The following KDM5B variants were observed in gnomAD, a reference collection of about 807,000 sequenced individuals.
KDM5B encodes the protein lysine-specific demethylase 5B.
Under a neutral mutation model 193.4 loss-of-function variants are expected in KDM5B, and 144 were observed. That is an observed-to-expected ratio of 0.74 (90% CI 0.65 to 0.86). KDM5B has a LOEUF of 0.86. KDM5B is among the 40% of genes least tolerant of loss of function. The pLI is 0.00. For missense variants in KDM5B, 1,833 were observed against 1,886.9 expected (o/e 0.97, Z 0.53); for synonymous variants, 668 against 682.6 (o/e 0.98, Z 0.33).
At chr1:202,729,295 C>A in intron 26 of KDM5B, 122 bp from the exon 27 acceptor site, 2 of 1,041,704 alleles carry the variant, frequency 1.9e-6, no homozygotes, top group South Asian at 1.4e-5. Context: ...CCACTGGGAC[C>A]TCTGGCACAA....
At chr1:202,742,830 T>C (rs1655402324) in intron 16 of KDM5B, 25 bp from the exon 17 acceptor site, 1 of 1,603,944 alleles carries the variant, frequency 6.2e-7, no homozygotes, top group African/African-American at 1.3e-5. Context: ...AAAAGTCATA[T>C]TTTCTGTAAT....
intron 4 of KDM5B, among the ~76,000 whole-genome samples, chr1:202,768,715 T>C (rs1405274389): frequency 1.6e-5 from 2 of 128,540 alleles, no homozygotes; most frequent in African/African-American, 2.5e-5. Context: ...AAGTTAACTA[T>C]TCTTTTTTTT....
intron 13 of KDM5B, 39 bp downstream of exon 13, chr1:202,750,620 A>G: frequency 3.1e-6 from 5 of 1,601,346 alleles, no homozygotes; most frequent in South Asian, 1.1e-5. Context: ...CAGGAAAAAC[A>G]ATAAATTTGA....
intron 13 of KDM5B, 110 bp from the exon 14 acceptor site, chr1:202,749,249 C>A: frequency 1.1e-6 from 1 of 939,584 alleles, no homozygotes; most frequent in Non-Finnish European, 1.5e-6. Flanking sequence ...GGTCTTAACA[C>A]GTATCATTTA....
rs141875939 is a variant in KDM5B, at chr1:202,735,477, C to G, written c.3375G>C (p.Leu1125=). The G allele has an allele frequency of 3.1e-6, 5 of 1,614,010 alleles. No homozygotes were observed. The African/African-American group carries it at 6.7e-5, about 22-fold the overall frequency. ...GKKKSTKLES[L]SDLERALTES... Reference sequence around the variant, plus strand: ...CAGTTAAAGCTCTCTCCAGGTCACTCAGACTCTCTAATTTGGTGCTTTTTT... The same window carrying G: ...CAGTTAAAGCTCTCTCCAGGTCACTGAGACTCTCTAATTTGGTGCTTTTTT... The change falls in exon 22 of 27, where the codon CTG becomes CTC. Residue 1125 remains leucine (L), a synonymous_variant. Coordinates refer to ENST00000367265, the MANE Select transcript of KDM5B (RefSeq NM_006618.5).
intron 1 of KDM5B, among the ~76,000 whole-genome samples, chr1:202,779,958 A>G (rs1189601216): frequency 6.6e-6 from 1 of 152,078 alleles, no homozygotes; most frequent in Non-Finnish European, 1.5e-5. Flanking sequence ...ACAGCATTTA[A>G]AAGTGCTAGA....
In KDM5B at chr1:202,756,524, T is replaced by C. The variant is rs764116643; in HGVS notation, c.1198-8A>G. On this transcript the variant is annotated splice_polypyrimidine_tract_variant and splice_region_variant and intron_variant, in intron 9 of 26. Transcript: ENST00000367265. Reference sequence around the variant, plus strand: ...AAGCTCTGTGGGGACCATCTGGAAATACAAGGAATAGAAAAAATGAGTTTC... The same window carrying C: ...AAGCTCTGTGGGGACCATCTGGAAACACAAGGAATAGAAAAAATGAGTTTC... The C allele has an allele frequency of 5.1e-6, 8 of 1,566,834 alleles. No individual in the cohort carries two copies. Among genetic ancestry groups the C allele is most frequent in the Admixed American group, 1.9e-5 (1 of 51,364 alleles).
At chr1:202,784,305 A>G (rs1657319537) in intron 1 of KDM5B, among the ~76,000 whole-genome samples, 1 of 152,202 alleles carries the variant, frequency 6.6e-6, no homozygotes, top group Admixed American at 6.5e-5. Flanking sequence ...AACTCCCTGC[A>G]GACAAAACCA....
At chr1:202,740,296 G>A (rs1655269317) in intron 20 of KDM5B, among the ~76,000 whole-genome samples, 1 of 139,666 alleles carries the variant, frequency 7.2e-6, no homozygotes, top group South Asian at 2.3e-4. Context: ...TCACTTTCCA[G>A]TAGGGGCGGC....
chr1:202,771,208 ATTT>A (rs1656697919), intron 4 of KDM5B, among the ~76,000 whole-genome samples: 1 of 151,964 alleles, frequency 6.6e-6, no homozygotes, highest in South Asian at 2.1e-4. Context: ...TCTATTTTTT[ATTT>A]TTTATGTTTG....
chr1:202,733,760 C>A lies in KDM5B; in HGVS notation c.3550G>T (p.Ala1184Ser), dbSNP rs1171383642. 4.3e-6 allele frequency: 7 copies of A among 1,614,164 alleles called. No homozygotes were observed. The highest frequency in any genetic ancestry group is 1.1e-5 in the South Asian group (1 of 91,084). ...VDIKICLCQK[A>S]PAAPMIQCEL... The stretch of plus-strand genomic sequence containing the variant: ...CATTGAATCATAGGGGCAGCTGGGG[C>A]CTTCTGACATAGGCAGATTTTTATA... The change falls in exon 23 of 27, where the codon GCC becomes TCC. Residue 1184 changes from alanine to serine, a missense_variant. By Grantham distance (99) the Ala-to-Ser change is moderately conservative (BLOSUM62 1). Coordinates refer to ENST00000367265, the MANE Select transcript of KDM5B (RefSeq NM_006618.5).
At chr1:202,773,094 G>T in intron 4 of KDM5B, 24 bp downstream of exon 4, 1 of 1,543,164 alleles carries the variant, frequency 6.5e-7, no homozygotes, top group Non-Finnish European at 8.9e-7. Context: ...GATAAAACAG[G>T]TTAAGGCTAG....
chr1:202,752,400 C>CAT (rs1208288386), intron 12 of KDM5B, among the ~76,000 whole-genome samples: 1 of 152,164 alleles, frequency 6.6e-6, no homozygotes, highest in African/African-American at 2.4e-5. Context: ...TAGCCTACAC[C>CAT]ATACAGCCTA....
intron 4 of KDM5B, among the ~76,000 whole-genome samples, chr1:202,771,988 A>G (rs1656740588): frequency 6.6e-6 from 1 of 152,242 alleles, no homozygotes; most frequent in African/African-American, 2.4e-5. Context: ...TCTAGGCTAA[A>G]AAGTGTTCAC....
At chr1:202,801,293 T>C (rs1658063189) in intron 1 of KDM5B, among the ~76,000 whole-genome samples, 1 of 151,752 alleles carries the variant, frequency 6.6e-6, no homozygotes, top group African/African-American at 2.4e-5. Context: ...CAGCAGCACA[T>C]ATGGGATGAC....
chr1:202,740,875 C>T (rs572531482), intron 19 of KDM5B, 63 bp from the exon 20 acceptor site: 3 of 1,489,292 alleles, frequency 2.0e-6, no homozygotes, highest in Non-Finnish European at 2.7e-6. Flanking sequence ...CTTATGGTTA[C>T]CAAAAAAACT....
chr1:202,798,623 G>A (rs1312211483), intron 1 of KDM5B, among the ~76,000 whole-genome samples: 1 of 152,108 alleles, frequency 6.6e-6, no homozygotes. Context: ...CAACTAAATG[G>A]GGGGCTGAGG....
At chr1:202,803,697 C>T (rs1658171363) in intron 1 of KDM5B, among the ~76,000 whole-genome samples, 1 of 151,926 alleles carries the variant, frequency 6.6e-6, no homozygotes. Flanking sequence ...GCGGTGCATG[C>T]CCACCCAGCT....
intron 1 of KDM5B, among the ~76,000 whole-genome samples, chr1:202,802,458 T>C (rs1572787360): frequency 1.3e-5 from 2 of 152,306 alleles, no homozygotes; most frequent in Middle Eastern, 6.8e-3. Flanking sequence ...AATGGAGTGA[T>C]CTCGGCTCAC....
Sources: allele counts gnomAD v4.1 joint callset (sites outside exome capture counted in the v4.1 genomes callset), GRCh38; gene constraint gnomAD v4.1.1; transcripts MANE v1.5; gene names NCBI Gene and HGNC (gene_info 2026-07-23, HGNC 2026-07-21).